The following RYK variants were observed in gnomAD, a reference collection of about 807,000 sequenced individuals.
RYK encodes the protein receptor like tyrosine kinase.
Under a neutral mutation model 70.2 loss-of-function variants are expected in RYK, and 21 were observed. The observed-to-expected ratio is 0.30, with a 90% confidence interval of 0.21 to 0.43. RYK has a LOEUF of 0.43. RYK is among the 20% of genes least tolerant of loss of function. The pLI, the probability that RYK is intolerant of heterozygous loss-of-function variation, is 1.00. For missense variants in RYK, 604 were observed against 753.3 expected, an observed-to-expected ratio of 0.80 and a Z score of 2.32; for synonymous variants, 267 against 278.0, an observed-to-expected ratio of 0.96 and a Z score of 0.39.
intron 7 of RYK, among the ~76,000 whole-genome samples, chr3:134,193,341 A>G (rs538039336): frequency 6.5e-4 from 98 of 151,886 alleles, no homozygotes; most frequent in Middle Eastern, 3.4e-3. Flanking sequence ...GAGCCACCAC[A>G]CCCAGCTAAT....
At chr3:134,168,788 A>G (rs1029230727) in intron 13 of RYK, among the ~76,000 whole-genome samples, 10 of 152,032 alleles carry the variant, frequency 6.6e-5, no homozygotes, top group African/African-American at 2.4e-4. Flanking sequence ...AAATAATAAT[A>G]ATAAGAAGAA....
intron 9 of RYK, among the ~76,000 whole-genome samples, chr3:134,185,050 C>A (rs2013418864): frequency 6.6e-6 from 1 of 150,552 alleles, no homozygotes; most frequent in African/African-American, 2.4e-5. Context: ...TGGGGGATTG[C>A]TTGAGCCCAG....
rs1457950803 is a variant in RYK, at chr3:134,250,526, G to A, written c.129C>T (p.Gly43=). 1.7e-6 allele frequency: 2 copies of A among 1,206,358 alleles called. No homozygotes were observed. Among genetic ancestry groups the A allele is most frequent in the Admixed American group, 4.3e-5 (1 of 23,294 alleles). 74.7% of individuals were successfully genotyped at this position (1,206,358 alleles called of 1,614,324 possible). Residue 43 remains glycine, a synonymous_variant, in exon 1 of 15, where the codon GGC becomes GGT. Transcript: ENST00000623711. ...LALLPLLPAP[G]AAAAPAPRPP... is the part of the protein sequence containing the mutation. ...GCCGCGGGGCGGGGGCGGCGGCAGC[G>A]CCAGGCGCGGGCAGCAGCGGCAACA...
rs530322923 is a variant in RYK, at chr3:134,201,408, T to G, written c.788+1322A>C. 1.5e-4 allele frequency among the ~76,000 whole-genome samples: 23 copies of G among 152,308 alleles called. No homozygotes were observed. In the East Asian group the frequency reaches 4.4e-3, roughly 29 times the overall value. ...GCTGCATGTTAAGACTAATTAGGAC[T>G]GGTGACTCAACAATGAGTAAGACAC... On this transcript the variant is annotated intron_variant, in intron 6 of 14. Transcript: ENST00000623711.
At chr3:134,235,815 A>G (rs1200261937) in intron 1 of RYK, among the ~76,000 whole-genome samples, 1 of 152,160 alleles carries the variant, frequency 6.6e-6, no homozygotes, top group Non-Finnish European at 1.5e-5. Flanking sequence ...GAAACAATCT[A>G]TTCAGTAATG....
intron 1 of RYK, among the ~76,000 whole-genome samples, chr3:134,246,791 A>T (rs907983981): frequency 1.3e-5 from 2 of 152,180 alleles, no homozygotes; most frequent in African/African-American, 4.8e-5. Context: ...TAGTAGCAAA[A>T]TGAAGCAAAC....
chr3:134,182,045 C>A (rs1302851730), intron 10 of RYK, among the ~76,000 whole-genome samples: 1 of 151,850 alleles, frequency 6.6e-6, no homozygotes, highest in African/African-American at 2.4e-5. Flanking sequence ...GTCCCAGCTA[C>A]TCAGGAGGCT....
At chr3:134,193,434 T>C (rs370704127) in intron 7 of RYK, among the ~76,000 whole-genome samples, 17 of 152,300 alleles carry the variant, frequency 1.1e-4, no homozygotes, top group African/African-American at 3.4e-4. Context: ...CCGCCCGCCT[T>C]GGCCTCCCAA....
intron 1 of RYK, among the ~76,000 whole-genome samples, chr3:134,233,226 T>C (rs1435693002): frequency 3.9e-5 from 6 of 152,262 alleles, no homozygotes; most frequent in Non-Finnish European, 8.8e-5. Flanking sequence ...GTTGGTGCTC[T>C]GCTTTAATTG....
chr3:134,161,236 A>G (rs1201071318), intron 13 of RYK, among the ~76,000 whole-genome samples: 2 of 152,242 alleles, frequency 1.3e-5, no homozygotes, highest in Non-Finnish European at 2.9e-5. Flanking sequence ...GAATGGAAAC[A>G]CTATATTAAA....
At chr3:134,163,739 T>C (rs934498673) in intron 13 of RYK, among the ~76,000 whole-genome samples, 27 of 152,332 alleles carry the variant, frequency 1.8e-4, no homozygotes, top group African/African-American at 6.3e-4. Flanking sequence ...TTCCATTCAA[T>C]TGTAAATTAT....
chr3:134,212,565 GATAA>G (rs1173201044), intron 2 of RYK, among the ~76,000 whole-genome samples: 1 of 152,216 alleles, frequency 6.6e-6, no homozygotes, highest in Non-Finnish European at 1.5e-5. Flanking sequence ...AAAGATGTTC[GATAA>G]ACCATTCTTC....
At chr3:134,174,427 C>T (rs2013027585) in intron 13 of RYK, among the ~76,000 whole-genome samples, 1 of 152,160 alleles carries the variant, frequency 6.6e-6, no homozygotes, top group Admixed American at 6.5e-5. Flanking sequence ...TTAAAACATA[C>T]ACACTTTGAA....
chr3:134,159,848 C>T lies in RYK; in HGVS notation c.1576-475G>A, dbSNP rs541060818. Reference sequence around the variant, plus strand: ...TTAAATTAAAGGATTAAAAAAACTTCCAACCTTGCTTGAGTAAGCAATCAG... The same window carrying T: ...TTAAATTAAAGGATTAAAAAAACTTTCAACCTTGCTTGAGTAAGCAATCAG... On this transcript the variant is annotated intron_variant, in intron 13 of 14. Transcript: ENST00000623711. Among the ~76,000 whole-genome samples the T allele has an allele frequency of 2.7e-3, 411 of 152,282 alleles. 3 individuals carry two copies. The highest frequency in any genetic ancestry group is 4.1e-3 in the Non-Finnish European group (277 of 68,016).
chr3:134,232,879 T>C (rs1406957847), intron 1 of RYK, among the ~76,000 whole-genome samples: 1 of 152,252 alleles, frequency 6.6e-6, no homozygotes, highest in East Asian at 1.9e-4. Flanking sequence ...AATAGAATTA[T>C]AACTTTCAGT....
At chr3:134,245,806 A>G (rs2015449854) in intron 1 of RYK, among the ~76,000 whole-genome samples, 1 of 152,134 alleles carries the variant, frequency 6.6e-6, no homozygotes, top group Non-Finnish European at 1.5e-5. Context: ...ACTGGCCCCA[A>G]ACGAGATGTA....
intron 5 of RYK, among the ~76,000 whole-genome samples, chr3:134,204,494 G>C (rs530807684): frequency 1.5e-3 from 228 of 151,616 alleles, no homozygotes; most frequent in African/African-American, 5.0e-3. Context: ...GCAAGACTCC[G>C]TCTCAAAAAT....
rs1362935339 is a variant in RYK at position 134,208,160 on chromosome 3, CAT to C, written c.590-637_590-636del. ...AGAATTTTAATGTTAATTTCACACA[CAT>C]ATTAAAGAAAATGGAGAAAGTATGT... is the stretch of plus-strand genomic sequence containing the variant. On this transcript the variant is annotated intron_variant, in intron 4 of 14. Transcript: ENST00000623711. 5.9e-5 allele frequency among the ~76,000 whole-genome samples: 9 copies of C among 152,256 alleles called. No individual in the cohort carries two copies. The East Asian group carries it at 1.7e-3, about 29-fold the overall frequency.
At position 134,157,761 on chromosome 3, in the gene RYK, CACTT is replaced by C. The variant is rs1175175755; in HGVS notation, c.*388_*391del. Reference sequence around the variant, plus strand: ...CACTAAAAAAACTTTAAAGGTGAGTCACTTACATCACCTTGATGAAGTAAAAAAA... The same window carrying C: ...CACTAAAAAAACTTTAAAGGTGAGTCACATCACCTTGATGAAGTAAAAAAA... On this transcript the variant is annotated 3_prime_UTR_variant, in exon 15 of 15. Coordinates refer to ENST00000623711, the MANE Select transcript of RYK (RefSeq NM_002958.4). 6.4e-6 allele frequency: 1 copy of C among 155,080 alleles called. No individual in the cohort carries two copies. Among genetic ancestry groups the C allele is most frequent in the Non-Finnish European group, 1.4e-5 (1 of 69,868 alleles). 9.6% of individuals were successfully genotyped at this position (155,080 alleles called of 1,614,324 possible).
Sources: gnomAD v4.1 joint callset for allele counts (sites outside exome capture counted in the v4.1 genomes callset) on GRCh38, gnomAD v4.1.1 for gene constraint, MANE v1.5 for transcripts, NCBI Gene and HGNC (gene_info 2026-07-23, HGNC 2026-07-21) for gene names.